The following WARS2 variants were observed in gnomAD, a reference collection of about 807,000 sequenced individuals.
The protein encoded by WARS2 is tryptophanyl tRNA synthetase 2, mitochondrial.
Under a neutral mutation model 36.5 loss-of-function variants are expected in WARS2, and 28 were observed. The ratio of observed to expected loss-of-function variants is 0.77; its 90% CI spans 0.57 to 1.05. The LOEUF (loss-of-function observed/expected upper bound fraction) is 1.05. WARS2 is among the 50% of genes least tolerant of loss of function. The pLI is 0.00. For synonymous variants in WARS2, 174 were observed against 178.4 expected, an observed-to-expected ratio of 0.98 and a Z score of 0.20; for missense variants, 435 against 456.8, an observed-to-expected ratio of 0.95 and a Z score of 0.44.
chr1:119,116,745 C>A (rs1654996027), intron 1 of WARS2, among the ~76,000 whole-genome samples: 1 of 152,160 alleles, frequency 6.6e-6, no homozygotes, highest in South Asian at 2.1e-4. Context: ...AGCTCAAGCC[C>A]CAGGGAAGCC....
intron 1 of WARS2, among the ~76,000 whole-genome samples, chr1:119,126,116 G>A (rs931317738): frequency 6.6e-6 from 1 of 151,720 alleles, no homozygotes; most frequent in African/African-American, 2.4e-5. Flanking sequence ...TACCCAGCCT[G>A]GCCCCATGGT....
intron 1 of WARS2, among the ~76,000 whole-genome samples, chr1:119,091,662 G>A (rs587744154): frequency 6.6e-6 from 1 of 152,142 alleles, no homozygotes; most frequent in African/African-American, 2.4e-5. Flanking sequence ...CCCATACCAG[G>A]GCAGGTGACA....
intron 1 of WARS2, among the ~76,000 whole-genome samples, chr1:119,084,841 G>T (rs1460856372): frequency 2.6e-5 from 4 of 152,228 alleles, no homozygotes; most frequent in Non-Finnish European, 5.9e-5. Flanking sequence ...ATATGTAGCT[G>T]TTGAAACTGC....
intron 2 of WARS2, among the ~76,000 whole-genome samples, chr1:119,050,752 A>G (rs1056190831): frequency 9.9e-5 from 15 of 152,154 alleles, no homozygotes; most frequent in African/African-American, 3.6e-4. Context: ...AACCATACAA[A>G]CAAAAATATT....
chr1:119,055,319 A>T (rs2101174071), intron 2 of WARS2, among the ~76,000 whole-genome samples: 1 of 152,280 alleles, frequency 6.6e-6, no homozygotes, highest in African/African-American at 2.4e-5. Context: ...GCTAGAAAAA[A>T]ATCTGAGAAG....
intron 2 of WARS2, among the ~76,000 whole-genome samples, chr1:119,047,712 C>G (rs549568019): frequency 6.6e-6 from 1 of 152,226 alleles, no homozygotes; most frequent in East Asian, 1.9e-4. Flanking sequence ...CAGAGTTCCA[C>G]TTGGGAGAAA....
intron 1 of WARS2, among the ~76,000 whole-genome samples, chr1:119,103,234 T>C (rs192315397): frequency 1.5e-3 from 228 of 152,316 alleles, no homozygotes; most frequent in South Asian, 3.9e-3. Flanking sequence ...TTGTTTCTTT[T>C]TCACCAGAGG....
chr1:119,111,244 TA>T (rs1654610355), intron 1 of WARS2, among the ~76,000 whole-genome samples: 1 of 152,172 alleles, frequency 6.6e-6, no homozygotes, highest in Non-Finnish European at 1.5e-5. Context: ...GGAACTTCAG[TA>T]AACAGGCTTT....
At chr1:119,071,674 G>A (rs1222086386) in intron 2 of WARS2, among the ~76,000 whole-genome samples, 1 of 152,122 alleles carries the variant, frequency 6.6e-6, no homozygotes, top group Non-Finnish European at 1.5e-5. Context: ...TGGGGCAAGA[G>A]GAAATGGGAA....
intron 1 of WARS2, among the ~76,000 whole-genome samples, chr1:119,103,914 GA>G (rs1302057097): frequency 4.0e-5 from 6 of 149,500 alleles, no homozygotes; most frequent in African/African-American, 1.5e-4. Context: ...AATTAAAAAG[GA>G]AAAATATATA....
chr1:119,085,550 G>A (rs1267037963), intron 1 of WARS2: 1 of 1,611,280 alleles, frequency 6.2e-7, no homozygotes, highest in Non-Finnish European at 8.5e-7. Context: ...GAGCCCCACA[G>A]CCCTTCTCCT....
At chr1:119,113,494 T>C (rs1430102313) in intron 1 of WARS2, among the ~76,000 whole-genome samples, 1 of 152,094 alleles carries the variant, frequency 6.6e-6, no homozygotes, top group Non-Finnish European at 1.5e-5. Flanking sequence ...TCCTTAAGAC[T>C]AGGAAGGGGT....
chr1:119,037,490 G>C (rs1214008637), intron 4 of WARS2, among the ~76,000 whole-genome samples: 2 of 152,158 alleles, frequency 1.3e-5, no homozygotes, highest in Non-Finnish European at 2.9e-5. Context: ...GAGTTTGGTG[G>C]TGTTTTCTTG....
intron 1 of WARS2, 88 bp downstream of exon 1, chr1:119,140,467 C>G: frequency 8.1e-7 from 1 of 1,231,702 alleles, no homozygotes; most frequent in Non-Finnish European, 1.2e-6. Context: ...CCCTAAGAAG[C>G]GGGAGGAGAG....
intron 3 of WARS2, among the ~76,000 whole-genome samples, chr1:119,043,378 G>C (rs574928945): frequency 1.3e-5 from 2 of 152,308 alleles, no homozygotes; most frequent in Non-Finnish European, 2.9e-5. Context: ...AAGCTCATGA[G>C]CTTACAAACT....
chr1:119,131,812 GC>G (rs1315541733), intron 1 of WARS2, among the ~76,000 whole-genome samples: 2 of 148,616 alleles, frequency 1.3e-5, no homozygotes, highest in South Asian at 2.2e-4. Flanking sequence ...TTTATGAGAA[GC>G]CCCCACAGGC....
intron 2 of WARS2, among the ~76,000 whole-genome samples, chr1:119,066,587 T>C (rs1257198317): frequency 7.2e-6 from 1 of 139,810 alleles, no homozygotes; most frequent in East Asian, 2.1e-4. Context: ...AATAGGAAAA[T>C]ACAATTAAAA....
At chr1:119,106,356 G>A (rs1293257366) in intron 1 of WARS2, among the ~76,000 whole-genome samples, 1 of 152,098 alleles carries the variant, frequency 6.6e-6, no homozygotes, top group Non-Finnish European at 1.5e-5. Flanking sequence ...GTCTTCCCTT[G>A]GGAGTTGTAT....
chr1:119,060,327 C>T (rs2101209232), intron 2 of WARS2, among the ~76,000 whole-genome samples: 1 of 152,306 alleles, frequency 6.6e-6, no homozygotes, highest in East Asian at 1.9e-4. Flanking sequence ...TCCTGTCTTC[C>T]TGGCTTACTG....
Sources: gnomAD v4.1 joint callset for allele counts (sites outside exome capture counted in the v4.1 genomes callset) on GRCh38, gnomAD v4.1.1 for gene constraint, MANE v1.5 for transcripts, NCBI Gene and HGNC (gene_info 2026-07-23, HGNC 2026-07-21) for gene names.